SOS2: variants seen among roughly 807,000 people sequenced by gnomAD.
SOS2 encodes son of sevenless homolog 2.
A neutral mutation model predicts 148.2 loss-of-function variants in SOS2; 65 were observed. The observed-to-expected ratio is 0.44, with a 90% CI of 0.36 to 0.54. The LOEUF (loss-of-function observed/expected upper bound fraction) is 0.54. Ranked by LOEUF, SOS2 falls within the 20% of genes least tolerant of loss-of-function variation. The probability of loss-of-function intolerance (pLI) is 0.00; values close to 1 mark genes in which losing one functional copy is unlikely to be tolerated. For synonymous variants in SOS2, 539 were observed against 537.1 expected, an observed-to-expected ratio of 1.00 and a Z score of -0.05; for missense variants, 1,341 against 1,590.2, an observed-to-expected ratio of 0.84 and a Z score of 2.67.
chr14:50,146,973 T>C (rs538645857), intron 14 of SOS2, among the ~76,000 whole-genome samples: 5 of 152,122 alleles, frequency 3.3e-5, no homozygotes, highest in South Asian at 2.1e-4. Context: ...AGTGGAAGGA[T>C]TGATTGAGGC....
intron 21 of SOS2, among the ~76,000 whole-genome samples, chr14:50,127,097 T>G (rs1006265627): frequency 5.9e-5 from 9 of 151,862 alleles, no homozygotes; most frequent in African/African-American, 2.2e-4. Context: ...GCTACCTAGT[T>G]AGAGACGTTT....
At chr14:50,156,804 T>C (rs149332118) in intron 12 of SOS2, 195 bp downstream of exon 12, 9 of 303,046 alleles carry the variant, frequency 3.0e-5, no homozygotes, top group African/African-American at 1.9e-4. Flanking sequence ...CTTCAGGGTA[T>C]TTAAGAATAG....
chr14:50,178,648 G>C (rs1170903932), intron 7 of SOS2, among the ~76,000 whole-genome samples: 1 of 14,740 alleles, frequency 6.8e-5, no homozygotes, highest in African/African-American at 2.1e-4. Flanking sequence ...ATGCCCGCTA[G>C]TGTGTGTGTG....
intron 2 of SOS2, 46 bp downstream of exon 2, chr14:50,204,238 C>A: frequency 2.5e-6 from 3 of 1,206,258 alleles, no homozygotes; most frequent in South Asian, 3.4e-5. Context: ...AAAATTAATT[C>A]ATACAGTGGT....
intron 1 of SOS2, 26 bp from the exon 2 acceptor site, chr14:50,204,435 G>C (rs779405305): frequency 7.0e-7 from 1 of 1,428,544 alleles, no homozygotes; most frequent in East Asian, 2.3e-5. Context: ...ATCAGTTAAA[G>C]TAATGGCAAA....
At chr14:50,137,273 A>G (rs1308439118) in intron 18 of SOS2, among the ~76,000 whole-genome samples, 1 of 152,192 alleles carries the variant, frequency 6.6e-6, no homozygotes, top group African/African-American at 2.4e-5. Flanking sequence ...TGTTAGAAAA[A>G]TCATCTTCTG....
In SOS2 at chr14:50,159,754, T is replaced by C; in HGVS notation, c.1529A>G (p.His510Arg). 1 of 1,613,998 alleles carries C rather than the reference T, an allele frequency of 6.2e-7. No individual in the cohort carries two copies. The highest frequency in any genetic ancestry group is 8.5e-7 in the Non-Finnish European group (1 of 1,179,860). ...ATCTTTGGATACTAATTCAAATGCA[T>C]GCTTGTGCTCACAAGTATCTTCTTT... is the stretch of plus-strand genomic sequence containing the variant. Reference protein sequence around the residue: ...CDKEDTCEHKHAFELVSKDEN... With the variant: ...CDKEDTCEHKRAFELVSKDEN... The change falls in exon 10 of 23, where the codon CAT becomes CGT. Residue 510 changes from histidine to arginine, a missense_variant. Physicochemically the swap from His to Arg is conservative, Grantham distance 29. Around this residue, in one of 4 missense-constraint regions of SOS2, gnomAD observed 574 missense variants for 711.1 expected, o/e 0.81. Transcript: ENST00000216373.
intron 17 of SOS2, among the ~76,000 whole-genome samples, chr14:50,139,442 G>A (rs1209219087): frequency 6.6e-6 from 1 of 152,122 alleles, no homozygotes; most frequent in Non-Finnish European, 1.5e-5. Context: ...ATGAATAGAG[G>A]CCAGGATGCT....
intron 1 of SOS2, among the ~76,000 whole-genome samples, chr14:50,212,400 G>A (rs1258768695): frequency 6.6e-6 from 1 of 152,264 alleles, no homozygotes. Context: ...CTTGAACCCA[G>A]GAGGCGGAGG....
At chr14:50,168,124 G>T (rs934706234) in intron 8 of SOS2, among the ~76,000 whole-genome samples, 2 of 152,050 alleles carry the variant, frequency 1.3e-5, no homozygotes, top group Non-Finnish European at 2.9e-5. Flanking sequence ...AATTTCCAAG[G>T]AATGACCAGG....
chr14:50,171,083 C>T (rs2139667306), intron 8 of SOS2, among the ~76,000 whole-genome samples: 1 of 149,142 alleles, frequency 6.7e-6, no homozygotes, highest in Non-Finnish European at 1.5e-5. Flanking sequence ...CATTGCACTC[C>T]AGCCAGGGCA....
rs908847501 is a variant in SOS2 at position 50,188,037 on chromosome 14, T to C, written c.714+460A>G. On this transcript the variant is annotated intron_variant, in intron 5 of 22. Coordinates refer to ENST00000216373, the MANE Select transcript of SOS2 (RefSeq NM_006939.4). The stretch of plus-strand genomic sequence containing the variant: ...TTTCATTGTCACTGTACCTATTATA[T>C]AACAATTCACATGTTTATAAAGCCC... Among the ~76,000 whole-genome samples, 5 of 152,226 alleles carry C rather than the reference T, an allele frequency of 3.3e-5. No homozygotes were observed. In the South Asian group the frequency reaches 8.3e-4, roughly 25 times the overall value.
chr14:50,152,974 AAAG>A (rs1884708781), intron 13 of SOS2, 93 bp downstream of exon 13: 3 of 643,182 alleles, frequency 4.7e-6, no homozygotes, highest in Admixed American at 2.7e-5. Context: ...CAAAAAAAAA[AAAG>A]AGAGAGAAAT....
chr14:50,191,028 C>T lies in SOS2; in HGVS notation c.511-2328G>A, dbSNP rs1886116759. On this transcript the variant is annotated intron_variant, in intron 4 of 22. Coordinates refer to ENST00000216373, the MANE Select transcript of SOS2 (RefSeq NM_006939.4). Reference sequence around the variant, plus strand: ...TACTTGCTAGCTGTAACTTCTTGCTCCCATTCACTTAGCAAGCCCATTACT... The same window carrying T: ...TACTTGCTAGCTGTAACTTCTTGCTTCCATTCACTTAGCAAGCCCATTACT... Among the ~76,000 whole-genome samples, 5 of 152,162 alleles carry T rather than the reference C, an allele frequency of 3.3e-5. No homozygotes were observed. In the South Asian group the frequency reaches 1.0e-3, roughly 32 times the overall value.
Position 50,164,188 on chromosome 14 carries a change from C to A in SOS2, c.1069-2579G>T, listed in dbSNP as rs567297430. On this transcript the variant is annotated intron_variant, in intron 8 of 22. Coordinates refer to ENST00000216373, the MANE Select transcript of SOS2 (RefSeq NM_006939.4). ...AGGCAAGGTGGCTCACACTTGTAAT[C>A]CCAACATACTGGGAGGCCAAGGCGG... Among the ~76,000 whole-genome samples the A allele has an allele frequency of 9.2e-5, 14 of 152,234 alleles. No homozygotes were observed. The East Asian group carries it at 2.1e-3, about 23-fold the overall frequency.
chr14:50,209,182 A>T (rs886819769), intron 1 of SOS2, among the ~76,000 whole-genome samples: 1 of 151,980 alleles, frequency 6.6e-6, no homozygotes, highest in Non-Finnish European at 1.5e-5. Flanking sequence ...GACTAGAATT[A>T]TACCATTGGC....
chr14:50,209,652 G>A (rs548830405), intron 1 of SOS2, among the ~76,000 whole-genome samples: 12 of 152,024 alleles, frequency 7.9e-5, no homozygotes, highest in East Asian at 3.9e-4. Flanking sequence ...CCAGCTACAC[G>A]GGAGGCTGAT....
chr14:50,117,640 A>G lies in SOS2; in HGVS notation c.*704T>C, dbSNP rs1411232452. On this transcript the variant is annotated 3_prime_UTR_variant, in exon 23 of 23. Coordinates refer to ENST00000216373, the MANE Select transcript of SOS2 (RefSeq NM_006939.4). ...TGTTTTCCATAACAATAGGCAATTCATTAGCTAAAGACGTCATAGTCTGCA... is the reference window on the plus strand; with the variant it reads ...TGTTTTCCATAACAATAGGCAATTCGTTAGCTAAAGACGTCATAGTCTGCA... The G allele has an allele frequency of 6.6e-6, 1 of 152,256 alleles. No homozygotes were observed. The highest frequency in any genetic ancestry group is 1.5e-5 in the Non-Finnish European group (1 of 68,050). 9.4% of individuals were successfully genotyped at this position (152,256 alleles called of 1,614,324 possible). A position where few individuals can be genotyped will look rare whatever the true frequency, so the allele number is the denominator to read the frequency against.
chr14:50,199,714 T>C lies in SOS2; in HGVS notation c.487A>G (p.Lys163Glu). 6.2e-7 allele frequency: 1 copy of C among 1,607,656 alleles called. No homozygotes were observed. Among genetic ancestry groups the C allele is most frequent in the Non-Finnish European group, 8.5e-7 (1 of 1,176,480 alleles). ...ACCTTATCCGCACACATTGACACTT[T>C]AATGTCCTGCTGAGATATTTCATAA... is the stretch of plus-strand genomic sequence containing the variant. The part of the protein sequence containing the change: ...RHYEISQQDI[K>E]VSMCADKVLM... Residue 163 changes from lysine to glutamate, a missense_variant, in exon 4 of 23, where the codon AAA becomes GAA. By Grantham distance (56) the Lys-to-Glu change is moderately conservative (BLOSUM62 1). Transcript: ENST00000216373.
Sources: allele counts gnomAD v4.1 joint callset (sites outside exome capture counted in the v4.1 genomes callset), GRCh38; gene constraint gnomAD v4.1.1; regional missense constraint gnomAD v4.1.1; transcripts MANE v1.5; gene names NCBI Gene and HGNC (gene_info 2026-07-23, HGNC 2026-07-21).